The following MPPED1 variants were observed in gnomAD, a reference collection of about 807,000 sequenced individuals.
MPPED1 encodes metallophosphoesterase domain-containing protein 1.
MPPED1 carries 16 observed loss-of-function variants against 36.2 expected under a neutral mutation model. The ratio of observed to expected loss-of-function variants is 0.44; its 90% CI spans 0.30 to 0.67. The LOEUF is 0.67. Among genes scored for constraint, MPPED1 ranks in the 30% least tolerant of loss-of-function variants. The probability of loss-of-function intolerance (pLI) is 0.10; values close to 1 mark genes in which losing one functional copy is unlikely to be tolerated. For synonymous variants in MPPED1, 199 were observed against 191.3 expected, an observed-to-expected ratio of 1.04 and a Z score of -0.33; for missense variants, 307 against 453.4, an observed-to-expected ratio of 0.68 and a Z score of 2.93.
chr22:43,439,263 C>G (rs182975842), intron 3 of MPPED1, among the ~76,000 whole-genome samples: 1 of 152,230 alleles, frequency 6.6e-6, no homozygotes, highest in East Asian at 1.9e-4. Context: ...CCCCTTTTCC[C>G]CCTTGGCCAT....
At chr22:43,463,699 A>G (rs1407339120) in intron 3 of MPPED1, among the ~76,000 whole-genome samples, 1 of 152,150 alleles carries the variant, frequency 6.6e-6, no homozygotes, top group African/African-American at 2.4e-5. Flanking sequence ...TCAATGATAT[A>G]GTTTAAAAAA....
intron 4 of MPPED1, among the ~76,000 whole-genome samples, chr22:43,479,350 A>G (rs572973779): frequency 3.3e-5 from 5 of 152,362 alleles, no homozygotes; most frequent in Non-Finnish European, 5.9e-5. Context: ...AACACTAGCA[A>G]TGAGTGACCT....
chr22:43,430,322 T>G (rs1929629561), intron 2 of MPPED1, among the ~76,000 whole-genome samples: 2 of 152,126 alleles, frequency 1.3e-5, no homozygotes, highest in African/African-American at 4.8e-5. Context: ...AAGAGCAGGA[T>G]CCAGAGTGCA....
At chr22:43,484,689 G>C (rs1201415212) in intron 4 of MPPED1, among the ~76,000 whole-genome samples, 4 of 152,176 alleles carry the variant, frequency 2.6e-5, no homozygotes, top group African/African-American at 9.7e-5. Flanking sequence ...CCTGCCTTGA[G>C]CCCAGATCAA....
chr22:43,495,296 GAGGTGA>G (rs1392701367), intron 4 of MPPED1, among the ~76,000 whole-genome samples: 12 of 146,892 alleles, frequency 8.2e-5, no homozygotes, highest in African/African-American at 3.1e-4. Context: ...GGTGGTGATG[GAGGTGA>G]TGGTGGTGAT....
rs2413761 is a variant in MPPED1, at chr22:43,435,076, C to T, written c.267C>T (p.Tyr89=). 808,455 of 1,613,508 alleles carry T rather than the reference C, an allele frequency of 0.5. 209,514 individuals carry two copies. The highest frequency in any genetic ancestry group is 0.54 in the Non-Finnish European group (633,544 of 1,179,752). The change falls in exon 3 of 7, where the codon TAC becomes TAT. Residue 89 remains tyrosine, a synonymous_variant. Coordinates refer to ENST00000443721, the MANE Select transcript of MPPED1 (RefSeq NM_001044370.2). ...VPHDAPKPPG[Y]TRFVCVSDTH... The stretch of plus-strand genomic sequence containing the variant: ...ACGATGCCCCCAAACCTCCAGGCTA[C>T]ACCCGCTTCGTCTGCGTCTCTGATA...
intron 1 of MPPED1, chr22:43,418,046 G>T (rs1257433588): frequency 2.2e-6 from 1 of 456,238 alleles, no homozygotes; most frequent in East Asian, 7.0e-5. Flanking sequence ...TTTGGACCCA[G>T]GACAGCACCA....
At chr22:43,447,178 C>T (rs1930376033) in intron 3 of MPPED1, among the ~76,000 whole-genome samples, 1 of 152,188 alleles carries the variant, frequency 6.6e-6, no homozygotes, top group African/African-American at 2.4e-5. Flanking sequence ...TGCCGCTTCT[C>T]TCCAGCTCAT....
chr22:43,476,397 G>A (rs988678703), intron 4 of MPPED1, among the ~76,000 whole-genome samples: 1 of 152,152 alleles, frequency 6.6e-6, no homozygotes, highest in African/African-American at 2.4e-5. Context: ...CAGGCAGGGA[G>A]GAGTAACGTG....
chr22:43,482,605 A>C (rs943907681), intron 4 of MPPED1, among the ~76,000 whole-genome samples: 4 of 152,224 alleles, frequency 2.6e-5, no homozygotes, highest in Non-Finnish European at 5.9e-5. Context: ...CAAGAGGGAT[A>C]GTCCCCTTGC....
intron 3 of MPPED1, among the ~76,000 whole-genome samples, chr22:43,463,851 C>A (rs1193014564): frequency 2.5e-5 from 3 of 117,672 alleles, no homozygotes. Context: ...TTCTTTCTTT[C>A]TTTCTTTCTT....
intron 4 of MPPED1, among the ~76,000 whole-genome samples, chr22:43,490,854 G>A (rs1420566468): frequency 6.6e-6 from 1 of 152,174 alleles, no homozygotes; most frequent in Non-Finnish European, 1.5e-5. Context: ...AGCCAGTGGG[G>A]CTCTGAATGT....
At chr22:43,434,580 A>G (rs1929885131) in intron 2 of MPPED1, among the ~76,000 whole-genome samples, 1 of 152,186 alleles carries the variant, frequency 6.6e-6, no homozygotes, top group African/African-American at 2.4e-5. Context: ...GTACCTAAAC[A>G]CACGTACGGC....
Position 43,412,071 on chromosome 22 carries a change from C to T in MPPED1, c.-166C>T. On this transcript the variant is annotated 5_prime_UTR_variant, in exon 1 of 7. Transcript: ENST00000443721. The stretch of plus-strand genomic sequence containing the variant: ...GCCGCCGGAGGAGCCCCCGCCCCTG[C>T]GCGCCTCCCTCCCGGGAGCCCCTGC... The T allele has an allele frequency of 1.0e-6, 1 of 979,070 alleles. No individual in the cohort carries two copies. The highest frequency in any genetic ancestry group is 1.2e-6 in the Non-Finnish European group (1 of 827,342). 60.6% of individuals were successfully genotyped at this position (979,070 alleles called of 1,614,324 possible). A position where few individuals can be genotyped will look rare whatever the true frequency, so the allele number is the denominator to read the frequency against.
chr22:43,455,809 G>A (rs1930733411), intron 3 of MPPED1, among the ~76,000 whole-genome samples: 1 of 152,156 alleles, frequency 6.6e-6, no homozygotes, highest in African/African-American at 2.4e-5. Context: ...AAAGTTTCTT[G>A]TCTTTGGTTT....
intron 4 of MPPED1, among the ~76,000 whole-genome samples, chr22:43,491,676 G>A (rs1602012066): frequency 6.7e-6 from 1 of 149,310 alleles, no homozygotes; most frequent in African/African-American, 2.5e-5. Context: ...GGTGATGGAG[G>A]TGGTGGTTAT....
chr22:43,455,178 C>T (rs965358233), intron 3 of MPPED1, among the ~76,000 whole-genome samples: 3 of 141,464 alleles, frequency 2.1e-5, no homozygotes, highest in African/African-American at 5.4e-5. Flanking sequence ...GGCGTGATCT[C>T]GGCCCACAGC....
chr22:43,426,399 C>T (rs1366339832), intron 2 of MPPED1, among the ~76,000 whole-genome samples: 1 of 152,102 alleles, frequency 6.6e-6, no homozygotes, highest in African/African-American at 2.4e-5. Flanking sequence ...GAGGGGGGAG[C>T]TATGACAGGG....
chr22:43,479,418 T>C (rs1931680071), intron 4 of MPPED1, among the ~76,000 whole-genome samples: 1 of 152,178 alleles, frequency 6.6e-6, no homozygotes, highest in South Asian at 2.1e-4. Flanking sequence ...GGCAGACGTG[T>C]TCACCATGTG....
Sources: allele counts gnomAD v4.1 joint callset (sites outside exome capture counted in the v4.1 genomes callset), GRCh38; gene constraint gnomAD v4.1.1; transcripts MANE v1.5; gene names NCBI Gene and HGNC (gene_info 2026-07-23, HGNC 2026-07-21).